The following MMP20 variants were observed in gnomAD, a reference collection of about 807,000 sequenced individuals.
MMP20 encodes matrix metalloproteinase-20.
Under a neutral mutation model 51.8 loss-of-function variants are expected in MMP20, and 50 were observed. The ratio of observed to expected loss-of-function variants is 0.97; its 90% CI spans 0.77 to 1.22. The LOEUF is 1.22. Ranked by LOEUF, MMP20 falls within the 50% of genes most tolerant of loss-of-function variation. The pLI, the probability that MMP20 is intolerant of heterozygous loss-of-function variation, is 0.00. For synonymous variants in MMP20, 244 were observed against 216.2 expected, an observed-to-expected ratio of 1.13 and a Z score of -1.13; for missense variants, 663 against 601.4, an observed-to-expected ratio of 1.10 and a Z score of -1.07.
chr11:102,578,977 A>G, intron 9 of MMP20, 62 bp downstream of exon 9: 2 of 1,271,230 alleles, frequency 1.6e-6, no homozygotes, highest in South Asian at 2.4e-5. Flanking sequence ...TGTTGTGTTA[A>G]AGCAAAGCCA....
At chr11:102,601,951 C>CTTT (rs11367730) in intron 6 of MMP20, among the ~76,000 whole-genome samples, 3 of 122,894 alleles carry the variant, frequency 2.4e-5, no homozygotes, top group African/African-American at 3.0e-5. Context: ...TTCTTTCTTT[C>CTTT]TTTTTTTTTT....
intron 6 of MMP20, chr11:102,605,231 TG>T (rs1469751478): frequency 6.6e-6 from 1 of 152,110 alleles, no homozygotes; most frequent in Non-Finnish European, 1.5e-5. Context: ...AAAGAGGCCT[TG>T]GGGTGAAACT....
chr11:102,590,756 G>A (rs189173827), intron 8 of MMP20, among the ~76,000 whole-genome samples: 2 of 152,210 alleles, frequency 1.3e-5, no homozygotes, highest in Admixed American at 1.3e-4. Context: ...CCATATTTTT[G>A]AGTATGGCCA....
chr11:102,581,429 T>TAAAAA (rs1450945908), intron 8 of MMP20, among the ~76,000 whole-genome samples: 3 of 152,112 alleles, frequency 2.0e-5, no homozygotes, highest in Non-Finnish European at 4.4e-5. Flanking sequence ...TAAAAAGTGT[T>TAAAAA]GGAGGCAGTC....
At chr11:102,608,726 A>T (rs1859552301) in intron 5 of MMP20, among the ~76,000 whole-genome samples, 1 of 152,216 alleles carries the variant, frequency 6.6e-6, no homozygotes, top group Non-Finnish European at 1.5e-5. Flanking sequence ...GCTATCCAGG[A>T]CTAATATGCT....
chr11:102,619,950 T>C (rs943697947), intron 1 of MMP20, among the ~76,000 whole-genome samples: 2 of 152,172 alleles, frequency 1.3e-5, no homozygotes, highest in Non-Finnish European at 2.9e-5. Flanking sequence ...TATTCCTTCT[T>C]AAAAACAAAA....
chr11:102,587,434 G>A (rs1456498799), intron 8 of MMP20, among the ~76,000 whole-genome samples: 1 of 152,078 alleles, frequency 6.6e-6, no homozygotes, highest in East Asian at 1.9e-4. Context: ...CTCTTTTTGG[G>A]TATAGCATTC....
chr11:102,593,189 A>T (rs1411992203), intron 8 of MMP20, among the ~76,000 whole-genome samples: 1 of 152,212 alleles, frequency 6.6e-6, no homozygotes, highest in South Asian at 2.1e-4. Flanking sequence ...TAATGAGTGC[A>T]TTGAAAGATC....
chr11:102,590,912 G>A (rs1025814771), intron 8 of MMP20, among the ~76,000 whole-genome samples: 1 of 152,204 alleles, frequency 6.6e-6, no homozygotes, highest in African/African-American at 2.4e-5. Flanking sequence ...GTTAAGAATA[G>A]CAGAGCAAAA....
Position 102,617,736 on chromosome 11 carries a change from T to C in MMP20, c.127-677A>G, listed in dbSNP as rs17099110. ...AAGCCATAAATTATAAGGCTTTCAT[T>C]TGCACAAAAAGACATAAAGCCCCTC... On this transcript the variant is annotated intron_variant, in intron 1 of 9. Transcript: ENST00000260228. Among the ~76,000 whole-genome samples the C allele has an allele frequency of 8.9e-3, 1,359 of 152,328 alleles. 33 individuals carry two copies. Among genetic ancestry groups the C allele is most frequent in the African/African-American group, 0.031 (1,283 of 41,568 alleles).
intron 1 of MMP20, among the ~76,000 whole-genome samples, chr11:102,617,274 TTTAA>T (rs941800835): frequency 6.6e-6 from 1 of 152,246 alleles, no homozygotes; most frequent in African/African-American, 2.4e-5. Flanking sequence ...TTATAGATTA[TTTAA>T]TTATTTCCTT....
At chr11:102,594,809 T>C (rs1591613033) in intron 6 of MMP20, 52 bp from the exon 7 acceptor site, 2 of 1,594,322 alleles carry the variant, frequency 1.3e-6, no homozygotes, top group Non-Finnish European at 1.7e-6. Flanking sequence ...CAATGATTGA[T>C]TTACATATAA....
rs61289667 is a variant in MMP20 at position 102,600,184 on chromosome 11, C to T, written c.954-5427G>A. Among the ~76,000 whole-genome samples, 271 of 152,248 alleles carry T rather than the reference C, an allele frequency of 1.8e-3. 1 individual carries two copies. The highest frequency in any genetic ancestry group is 6.2e-3 in the African/African-American group (258 of 41,532). On this transcript the variant is annotated intron_variant, in intron 6 of 9. Transcript: ENST00000260228. ...AAAAGACACATTCCCAGGGAGAATG[C>T]GAAGGAGGAAGACTTCCTCCTGTTC... is the stretch of plus-strand genomic sequence containing the variant.
chr11:102,619,881 G>C (rs1859726320), intron 1 of MMP20, among the ~76,000 whole-genome samples: 1 of 151,770 alleles, frequency 6.6e-6, no homozygotes. Context: ...GTTTCTGGCT[G>C]GTCATATAGG....
At chr11:102,583,073 A>G (rs907192133) in intron 8 of MMP20, among the ~76,000 whole-genome samples, 1 of 152,218 alleles carries the variant, frequency 6.6e-6, no homozygotes, top group East Asian at 1.9e-4. Flanking sequence ...TCTCACCAGC[A>G]TGTCAAACTC....
intron 1 of MMP20, among the ~76,000 whole-genome samples, chr11:102,623,493 A>C (rs1859776785): frequency 6.6e-6 from 1 of 152,334 alleles, no homozygotes; most frequent in South Asian, 2.1e-4. Flanking sequence ...GAGGTGGAAC[A>C]GTTTCGTCCC....
chr11:102,601,421 C>T (rs147033527), intron 6 of MMP20, among the ~76,000 whole-genome samples: 3,608 of 39,422 alleles, frequency 0.092, 1,078 homozygotes, highest in African/African-American at 0.21. Flanking sequence ...CGTGAGCCAC[C>T]GCGCCCGGCC....
chr11:102,616,493 G>T (rs1263078616), intron 2 of MMP20, among the ~76,000 whole-genome samples: 1 of 152,078 alleles, frequency 6.6e-6, no homozygotes, highest in Admixed American at 6.5e-5. Context: ...TTCTCATTAA[G>T]CAGGTTGTTT....
In MMP20 at chr11:102,609,295, G is replaced by A. The variant is rs1315499418; in HGVS notation, c.650-197C>T. 1.3e-5 allele frequency among the ~76,000 whole-genome samples: 2 copies of A among 152,098 alleles called. 1 individual carries two copies. The highest frequency in any genetic ancestry group is 1.3e-4 in the Admixed American group (2 of 15,278). ...TTCTTCCCCCCTTGGCTAGAAGGGG[G>A]TTGGGGGTGGGGGAGGACAGAAATG... On this transcript the variant is annotated intron_variant, in intron 4 of 9. Coordinates refer to ENST00000260228, the MANE Select transcript of MMP20 (RefSeq NM_004771.4).
Sources: allele counts gnomAD v4.1 joint callset (sites outside exome capture counted in the v4.1 genomes callset), GRCh38; gene constraint gnomAD v4.1.1; transcripts MANE v1.5; gene names NCBI Gene and HGNC (gene_info 2026-07-23, HGNC 2026-07-21).